The following C11orf87 variants were observed in gnomAD, a reference collection of about 807,000 sequenced individuals.
C11orf87 encodes the protein chromosome 11 open reading frame 87, also known as uncharacterized protein C11orf87.
C11orf87 carries 3 observed loss-of-function variants against 9.2 expected under a neutral mutation model. The observed-to-expected ratio is 0.33, with a 90% CI of 0.15 to 0.84. The LOEUF (loss-of-function observed/expected upper bound fraction) is 0.84, where lower values mean the gene tolerates loss of function less well. Ranked by LOEUF, C11orf87 falls within the 40% of genes least tolerant of loss-of-function variation. The pLI, the probability that C11orf87 is intolerant of heterozygous loss-of-function variation, is 0.55. For synonymous variants in C11orf87, 124 were observed against 124.6 expected (o/e 1.00, Z 0.03); for missense variants, 256 against 270.7 (o/e 0.95, Z 0.38).
chr11:109,425,852 T>C lies in C11orf87; in HGVS notation c.*1625T>C, dbSNP rs962973807. On this transcript the variant is annotated 3_prime_UTR_variant, in exon 2 of 2. Transcript: ENST00000327419. ...CATGCGAATTTCAAGAAAAGCTAGA[T>C]CCAGTAATTACTTATAGGATACAAA... is the stretch of plus-strand genomic sequence containing the variant. The C allele has an allele frequency of 6.6e-6, 1 of 152,236 alleles. No individual in the cohort carries two copies. Among genetic ancestry groups the C allele is most frequent in the Non-Finnish European group, 1.5e-5 (1 of 68,034 alleles). 9.4% of individuals were successfully genotyped at this position (152,236 alleles called of 1,614,324 possible). A position where few individuals can be genotyped will look rare whatever the true frequency, so the allele number is the denominator to read the frequency against.
At position 109,425,438 on chromosome 11, in the gene C11orf87, G is replaced by T; in HGVS notation, c.*1211G>T. On this transcript the variant is annotated 3_prime_UTR_variant, in exon 2 of 2. Transcript: ENST00000327419. The stretch of plus-strand genomic sequence containing the variant: ...GAAAAAAACTATAGTTCTGTACTAT[G>T]TCCTCCAAACTGTATATTATTGTTC... 5 of 167,084 alleles carry T rather than the reference G, an allele frequency of 3.0e-5. No individual in the cohort carries two copies. 10.4% of individuals were successfully genotyped at this position (167,084 alleles called of 1,614,324 possible). A position where few individuals can be genotyped will look rare whatever the true frequency, so the allele number is the denominator to read the frequency against.
In C11orf87 at chr11:109,425,962, A is replaced by G. The variant is rs1377502256; in HGVS notation, c.*1735A>G. 6.6e-6 allele frequency: 1 copy of G among 152,266 alleles called. No homozygotes were observed. The highest frequency in any genetic ancestry group is 2.4e-5 in the African/African-American group (1 of 41,470). The allele number at this position is 152,266 out of a possible 1,614,324, so 9.4% of individuals were successfully genotyped here. A position where few individuals can be genotyped will look rare whatever the true frequency, so the allele number is the denominator to read the frequency against. Reference sequence around the variant, plus strand: ...TTCTCAGTCTGTCCTAACTTCACTGAACATACAAAAATACTGAGAAAAAAA... The same window carrying G: ...TTCTCAGTCTGTCCTAACTTCACTGGACATACAAAAATACTGAGAAAAAAA... On this transcript the variant is annotated 3_prime_UTR_variant, in exon 2 of 2. Coordinates refer to ENST00000327419, the MANE Select transcript of C11orf87 (RefSeq NM_207645.4).
At position 109,423,652 on chromosome 11, in the gene C11orf87, A is replaced by C; in HGVS notation, c.19A>C (p.Lys7Gln). 1 of 1,603,220 alleles carries C rather than the reference A, an allele frequency of 6.2e-7. No individual in the cohort carries two copies. The highest frequency in any genetic ancestry group is 8.5e-7 in the Non-Finnish European group (1 of 1,179,324). The stretch of plus-strand genomic sequence containing the variant: ...CGCGCCAATGAGTGCCAGGGCGCCG[A>C]AGGAGCTGAGGCTGGCGTTGCCGCC... MSARAP[K>Q]ELRLALPPCL... The change falls in exon 2 of 2, where the codon AAG becomes CAG. Residue 7 changes from lysine (K) to glutamine (Q), a missense_variant. Coordinates refer to ENST00000327419, the MANE Select transcript of C11orf87 (RefSeq NM_207645.4). The surrounding 1 kb of genome is among the most constrained non-coding windows in gnomAD (Gnocchi z 5.3).
rs904548982 is a variant in C11orf87, at chr11:109,426,280, CTA to C, written c.*2055_*2056del. 5.0e-4 allele frequency: 76 copies of C among 152,342 alleles called. No individual in the cohort carries two copies. Among genetic ancestry groups the C allele is most frequent in the African/African-American group, 1.6e-3 (66 of 41,588 alleles). The allele number at this position is 152,342 out of a possible 1,614,324, so 9.4% of individuals were successfully genotyped here. ...TGCAGGGTGTAAGGCAACAGTGCCC[CTA>C]TGAGCATCCCTCTCCCAAGCAACTC... On this transcript the variant is annotated 3_prime_UTR_variant, in exon 2 of 2. Coordinates refer to ENST00000327419, the MANE Select transcript of C11orf87 (RefSeq NM_207645.4).
In C11orf87 at chr11:109,425,596, C is replaced by A. The variant is rs1316717017; in HGVS notation, c.*1369C>A. On this transcript the variant is annotated 3_prime_UTR_variant, in exon 2 of 2. Coordinates refer to ENST00000327419, the MANE Select transcript of C11orf87 (RefSeq NM_207645.4). ...TAGACTGTTATAAAAAGATGACACACACGCTTTATTTTTTCTTTTGCAAAT... is the reference window on the plus strand; with the variant it reads ...TAGACTGTTATAAAAAGATGACACAAACGCTTTATTTTTTCTTTTGCAAAT... 1 of 166,136 alleles carries A rather than the reference C, an allele frequency of 6.0e-6. No homozygotes were observed. The highest frequency in any genetic ancestry group is 1.5e-5 in the Non-Finnish European group (1 of 68,106). The allele number at this position is 166,136 out of a possible 1,614,324, so 10.3% of individuals were successfully genotyped here.
rs904293838 is a variant in C11orf87 at position 109,428,455 on chromosome 11, T to C, written c.*4228T>C. On this transcript the variant is annotated 3_prime_UTR_variant, in exon 2 of 2. Transcript: ENST00000327419. ...TTTATCATGTAGACATATGCTTTCA[T>C]GCTTTTCTGTGGGTGAAAGTTGAAC... 6 of 152,154 alleles carry C rather than the reference T, an allele frequency of 3.9e-5. No individual in the cohort carries two copies. Among genetic ancestry groups the C allele is most frequent in the African/African-American group, 9.7e-5 (4 of 41,448 alleles). 9.4% of individuals were successfully genotyped at this position (152,154 alleles called of 1,614,324 possible).
At chr11:109,422,747 T>C (rs1313669282) in intron 1 of C11orf87, among the ~76,000 whole-genome samples, 1 of 146,798 alleles carries the variant, frequency 6.8e-6, no homozygotes, top group Non-Finnish European at 1.5e-5. Context: ...TTTTTTTTTT[T>C]TGGAGAGGGG....
chr11:109,422,965 C>A (rs960942428), intron 1 of C11orf87, among the ~76,000 whole-genome samples: 1 of 151,398 alleles, frequency 6.6e-6, no homozygotes, highest in African/African-American at 2.4e-5. Context: ...CGCGGCGGCC[C>A]GGAGTGGGTG....
chr11:109,422,389 G>GC (rs1171612681), intron 1 of C11orf87, 126 bp downstream of exon 1: 1 of 158,266 alleles, frequency 6.3e-6, no homozygotes, highest in Admixed American at 6.5e-5. Flanking sequence ...CCCCGCCCCT[G>GC]CCCCCGGCCC....
intron 1 of C11orf87, among the ~76,000 whole-genome samples, chr11:109,422,747 T>G (rs1313669282): frequency 6.8e-6 from 1 of 146,798 alleles, no homozygotes; most frequent in Non-Finnish European, 1.5e-5. Flanking sequence ...TTTTTTTTTT[T>G]TGGAGAGGGG....
rs1171511264 is a variant in C11orf87, at chr11:109,424,491, AAC to A, written c.*268_*269del. The stretch of plus-strand genomic sequence containing the variant: ...TTATAGTAATTATTATAATACTAAT[AAC>A]ACAATCCAAGCGCATGACAAATCAC... On this transcript the variant is annotated 3_prime_UTR_variant, in exon 2 of 2. Transcript: ENST00000327419. The surrounding 1 kb of genome is among the most constrained non-coding windows in gnomAD (Gnocchi z 4.7). 1.8e-5 allele frequency: 4 copies of A among 216,744 alleles called. No homozygotes were observed. The highest frequency in any genetic ancestry group is 7.0e-5 in the African/African-American group (3 of 43,136). 13.4% of individuals were successfully genotyped at this position (216,744 alleles called of 1,614,324 possible). A position where few individuals can be genotyped will look rare whatever the true frequency, so the allele number is the denominator to read the frequency against.
chr11:109,422,428 G>C lies in C11orf87; in HGVS notation c.-260+165G>C, dbSNP rs530191219. On this transcript the variant is annotated intron_variant, in intron 1 of 1. Transcript: ENST00000327419. ...CCCTGGCTTGCTTGCGCGCTACCTC[G>C]CTACTCCGCAGTGCAACAGTTTGCA... 2.1e-3 allele frequency among the ~76,000 whole-genome samples: 320 copies of C among 152,326 alleles called. 3 individuals are homozygous for C. The highest frequency in any genetic ancestry group is 3.3e-3 in the Non-Finnish European group (227 of 68,028).
rs1860515982 is a variant in C11orf87 at position 109,423,086 on chromosome 11, C to A, written c.-259-289C>A. Among the ~76,000 whole-genome samples, 8 of 152,110 alleles carry A rather than the reference C, an allele frequency of 5.3e-5. No homozygotes were observed. The stretch of plus-strand genomic sequence containing the variant: ...AACCAAAGCGGCTGCGTGTCTGTTG[C>A]AATTATAAAGTTGTGAAGGGCGGAA... On this transcript the variant is annotated intron_variant, in intron 1 of 1. Coordinates refer to ENST00000327419, the MANE Select transcript of C11orf87 (RefSeq NM_207645.4). This position sits in a 1 kb window ranked among gnomAD's most constrained non-coding sequence, Gnocchi z 5.3.
In C11orf87 at chr11:109,426,722, G is replaced by T. The variant is rs1860577470; in HGVS notation, c.*2495G>T. On this transcript the variant is annotated 3_prime_UTR_variant, in exon 2 of 2. Coordinates refer to ENST00000327419, the MANE Select transcript of C11orf87 (RefSeq NM_207645.4). ...TGAAGAAGAAAGTCCATTGATTTTT[G>T]TAGCTTACCCTCATCCAGTGGTAGC... is the stretch of plus-strand genomic sequence containing the variant. 3.3e-5 allele frequency: 5 copies of T among 152,286 alleles called. 1 individual carries two copies. The South Asian group carries it at 1.0e-3, about 32-fold the overall frequency. The allele number at this position is 152,286 out of a possible 1,614,324, so 9.4% of individuals were successfully genotyped here. A position where few individuals can be genotyped will look rare whatever the true frequency, so the allele number is the denominator to read the frequency against.
In C11orf87 at chr11:109,422,253, C is replaced by T. The variant is rs1027269410; in HGVS notation, c.-270C>T. 5.1e-6 allele frequency: 1 copy of T among 194,712 alleles called. No individual in the cohort carries two copies. The highest frequency in any genetic ancestry group is 2.4e-5 in the African/African-American group (1 of 41,872). 12.1% of individuals were successfully genotyped at this position (194,712 alleles called of 1,614,324 possible). On this transcript the variant is annotated 5_prime_UTR_variant, in exon 1 of 2. Transcript: ENST00000327419. The stretch of plus-strand genomic sequence containing the variant: ...CGGGGGCTCCCTCCTTGCAGCCAGC[C>T]GGCGGTCCAGGTAAGAGACAAGGTG...
In C11orf87 at chr11:109,424,612, T is replaced by C. The variant is rs1591274927; in HGVS notation, c.*385T>C. ...GAAACCGCACAAGCTACCAAATATATAAAAGGCATTGATTCCCGGAGCAAA... is the reference window on the plus strand; with the variant it reads ...GAAACCGCACAAGCTACCAAATATACAAAAGGCATTGATTCCCGGAGCAAA... On this transcript the variant is annotated 3_prime_UTR_variant, in exon 2 of 2. Transcript: ENST00000327419. The surrounding 1 kb of genome is among the most constrained non-coding windows in gnomAD (Gnocchi z 4.7). 6.0e-6 allele frequency: 1 copy of C among 167,778 alleles called. No individual in the cohort carries two copies. Among genetic ancestry groups the C allele is most frequent in the South Asian group, 2.1e-4 (1 of 4,838 alleles). 10.4% of individuals were successfully genotyped at this position (167,778 alleles called of 1,614,324 possible). A position where few individuals can be genotyped will look rare whatever the true frequency, so the allele number is the denominator to read the frequency against.
In C11orf87 at chr11:109,425,736, C is replaced by A. The variant is rs1360883610; in HGVS notation, c.*1509C>A. The A allele has an allele frequency of 1.3e-5, 2 of 152,394 alleles. No homozygotes were observed. The highest frequency in any genetic ancestry group is 2.4e-5 in the African/African-American group (1 of 41,430). 9.4% of individuals were successfully genotyped at this position (152,394 alleles called of 1,614,324 possible). On this transcript the variant is annotated 3_prime_UTR_variant, in exon 2 of 2. Transcript: ENST00000327419. ...CTGTAGTTCTCCCTGCATGCAGTTA[C>A]CACCTGGAGGCAGTGGTGTGTGTGC...
chr11:109,423,766 A>G lies in C11orf87; in HGVS notation c.133A>G (p.Thr45Ala). ...ARGPGAVGSG[T>A]CITQVGQQLF... ...CGGCCCAGGCGCAGTAGGCAGCGGC[A>G]CCTGCATCACGCAGGTGGGACAGCA... Residue 45 changes from threonine (T) to alanine (A), a missense_variant, in exon 2 of 2, where the codon ACC becomes GCC. Coordinates refer to ENST00000327419, the MANE Select transcript of C11orf87 (RefSeq NM_207645.4). The surrounding 1 kb of genome is among the most constrained non-coding windows in gnomAD (Gnocchi z 5.3). 6.2e-7 allele frequency: 1 copy of G among 1,614,010 alleles called. No individual in the cohort carries two copies. Among genetic ancestry groups the G allele is most frequent in the South Asian group, 1.1e-5 (1 of 91,082 alleles).
At position 109,424,232 on chromosome 11, in the gene C11orf87, C is replaced by G; in HGVS notation, c.*5C>G. On this transcript the variant is annotated 3_prime_UTR_variant, in exon 2 of 2. Transcript: ENST00000327419. This position sits in a 1 kb window ranked among gnomAD's most constrained non-coding sequence, Gnocchi z 4.7. ...CAAACGGTGGTACTGTCCTGATCGT[C>G]TAGCCCCTCTCGTTCCCCGTCCTCG... 1 of 1,604,966 alleles carries G rather than the reference C, an allele frequency of 6.2e-7. No individual in the cohort carries two copies. Among genetic ancestry groups the G allele is most frequent in the Non-Finnish European group, 8.5e-7 (1 of 1,174,936 alleles).
Sources: gnomAD v4.1 joint callset for allele counts (sites outside exome capture counted in the v4.1 genomes callset) on GRCh38, gnomAD v4.1.1 for gene constraint, Gnocchi (gnomAD v3.1) non-coding constraint, MANE v1.5 for transcripts, NCBI Gene and HGNC (gene_info 2026-07-23, HGNC 2026-07-21) for gene names.